The following EMILIN3 variants were observed in gnomAD, a reference collection of about 807,000 sequenced individuals.
EMILIN3 encodes elastin microfibril interfacer 3, also known as EMILIN-3.
In EMILIN3, 38 loss-of-function variants were observed where a neutral mutation model predicts 42.8. That is an observed-to-expected ratio of 0.89 (90% confidence interval 0.69 to 1.16). EMILIN3 has a LOEUF of 1.16. Ranked by LOEUF, EMILIN3 falls within the 50% of genes most tolerant of loss-of-function variation. EMILIN3 has a pLI of 0.00. For missense variants in EMILIN3, 924 were observed against 999.5 expected (o/e 0.92, Z 1.02); for synonymous variants, 430 against 440.5 (o/e 0.98, Z 0.30).
In EMILIN3 at chr20:41,365,130, C is replaced by T. The variant is rs1229944126; in HGVS notation, c.195G>A (p.Arg65=). 6.2e-7 allele frequency: 1 copy of T among 1,613,900 alleles called. No homozygotes were observed. The highest frequency in any genetic ancestry group is 1.3e-5 in the African/African-American group (1 of 74,930). The change falls in exon 2 of 4, where the codon AGG becomes AGA. Residue 65 remains arginine (R), a synonymous_variant. Transcript: ENST00000332312. The stretch of plus-strand genomic sequence containing the variant: ...CCTCCTGTAGGATGCAGGTCACATT[C>T]CTGTGCACCACATAGGCACAGAGGG... ...HKALCAYVVH[R]NVTCILQEGA...
chr20:41,366,635 A>G lies in EMILIN3; in HGVS notation c.-1T>C, dbSNP rs1464500810. ...AGACGAGCAGGCGGCGGCGGCCCAT[A>G]GCGGCCCCCGCGCCTCTGCCCGGCC... On this transcript the variant is annotated 5_prime_UTR_variant, in exon 1 of 4. Transcript: ENST00000332312. This position sits in a 1 kb window ranked among gnomAD's most constrained non-coding sequence, Gnocchi z 4.2. The G allele has an allele frequency of 7.7e-6, 8 of 1,040,826 alleles. No individual in the cohort carries two copies. The highest frequency in any genetic ancestry group is 3.5e-5 in the African/African-American group (2 of 56,948). The allele number at this position is 1,040,826 out of a possible 1,614,324, so 64.5% of individuals were successfully genotyped here.
In EMILIN3 at chr20:41,362,029, A is replaced by C. The variant is rs778059871; in HGVS notation, c.1540T>G (p.Leu514Val). The change falls in exon 4 of 4, where the codon TTG becomes GTG. Residue 514 changes from leucine (L) to valine (V), a missense_variant. Leu to Val is a conservative substitution (Grantham distance 32). Coordinates refer to ENST00000332312, the MANE Select transcript of EMILIN3 (RefSeq NM_052846.2). Reference protein sequence around the residue: ...QTELAVLEQRLVSLETSCTPS... With the variant: ...QTELAVLEQRVVSLETSCTPS... Reference sequence around the variant, plus strand: ...GTGCACGAAGTCTCCAGTGAGACCAACCGTTGCTCTAGCACAGCCAGCTCT... The same window carrying C: ...GTGCACGAAGTCTCCAGTGAGACCACCCGTTGCTCTAGCACAGCCAGCTCT... The C allele has an allele frequency of 6.2e-7, 1 of 1,611,426 alleles. No homozygotes were observed. The highest frequency in any genetic ancestry group is 1.7e-5 in the Admixed American group (1 of 59,974).
rs528313043 is a variant in EMILIN3 at position 41,362,821 on chromosome 20, C to T, written c.748G>A (p.Glu250Lys). The T allele has an allele frequency of 5.6e-5, 90 of 1,614,180 alleles. 1 individual carries two copies. The South Asian group carries it at 8.3e-4, about 15-fold the overall frequency. Residue 250 changes from glutamate to lysine, a missense_variant, in exon 4 of 4, where the codon GAG (glutamate) becomes AAG (lysine). Glu to Lys is a moderately conservative substitution (Grantham distance 56). Transcript: ENST00000332312. ...ARGPLTPPLDEILSKVTEVSN... is the reference protein window; with the variant it reads ...ARGPLTPPLDKILSKVTEVSN... ...ACCTCTGTCACCTTGCTTAGGATCT[C>T]GTCTAAGGGAGGTGTTAGTGGCCCT...
At chr20:41,363,344 T>C (rs2046377286) in intron 3 of EMILIN3, among the ~76,000 whole-genome samples, 1 of 152,150 alleles carries the variant, frequency 6.6e-6, no homozygotes, top group African/African-American at 2.4e-5. Flanking sequence ...GGTTTCACGA[T>C]GTTAGCCAGG....
In EMILIN3 at chr20:41,363,809, C is replaced by G; in HGVS notation, c.343G>C (p.Asp115His). 1 of 1,614,154 alleles carries G rather than the reference C, an allele frequency of 6.2e-7. No homozygotes were observed. Among genetic ancestry groups the G allele is most frequent in the Non-Finnish European group, 8.5e-7 (1 of 1,180,012 alleles). The change falls in exon 3 of 4, where the codon GAC (aspartate) becomes CAC (histidine). Residue 115 changes from aspartate (D) to histidine (H), a missense_variant. Physicochemically the swap from Asp to His is moderately conservative, Grantham distance 81 (BLOSUM62 -1). Coordinates refer to ENST00000332312, the MANE Select transcript of EMILIN3 (RefSeq NM_052846.2). ...KYKVGYKTVTDLAWRCCPGFT... is the reference protein window; with the variant it reads ...KYKVGYKTVTHLAWRCCPGFT... The stretch of plus-strand genomic sequence containing the variant: ...CCGGGACAGCAACGCCAGGCGAGGT[C>G]TGTCACTGTCTTGTAGCCAACCTTG...
chr20:41,364,172 G>A (rs931201739), intron 2 of EMILIN3, among the ~76,000 whole-genome samples: 7 of 152,124 alleles, frequency 4.6e-5, no homozygotes, highest in Non-Finnish European at 2.9e-5. Context: ...AGCTCAGGCT[G>A]CCATGAGAAA....
In EMILIN3 at chr20:41,362,353, T is replaced by A; in HGVS notation, c.1216A>T (p.Thr406Ser). Residue 406 changes from threonine (T) to serine (S), a missense_variant, in exon 4 of 4, where the codon ACC becomes TCC. Transcript: ENST00000332312. ...GCACCGGGGCCCCTTTGGGTCTCGG[T>A]GACTGCCTGCAGGGCCCTCTCAAGG... is the stretch of plus-strand genomic sequence containing the variant. ...DGLERALQAV[T>S]ETQRGPGAPA... is the part of the protein sequence containing the mutation. 6.2e-7 allele frequency: 1 copy of A among 1,608,782 alleles called. No individual in the cohort carries two copies. Among genetic ancestry groups the A allele is most frequent in the South Asian group, 1.1e-5 (1 of 91,068 alleles).
rs2046380388 is a variant in EMILIN3, at chr20:41,363,810, T to C, written c.342A>G (p.Thr114=). Residue 114 remains threonine, a synonymous_variant, in exon 3 of 4, where the codon ACA becomes ACG. Coordinates refer to ENST00000332312, the MANE Select transcript of EMILIN3 (RefSeq NM_052846.2). Reference sequence around the variant, plus strand: ...CGGGACAGCAACGCCAGGCGAGGTCTGTCACTGTCTTGTAGCCAACCTTGT... The same window carrying C: ...CGGGACAGCAACGCCAGGCGAGGTCCGTCACTGTCTTGTAGCCAACCTTGT... ...PKYKVGYKTV[T]DLAWRCCPGF... 2 of 1,614,156 alleles carry C rather than the reference T, an allele frequency of 1.2e-6. No homozygotes were observed. The highest frequency in any genetic ancestry group is 1.3e-5 in the African/African-American group (1 of 75,056).
At chr20:41,363,911 T>C in intron 2 of EMILIN3, 50 bp from the exon 3 acceptor site, 2 of 1,577,686 alleles carry the variant, frequency 1.3e-6, no homozygotes, top group Non-Finnish European at 1.7e-6. Flanking sequence ...AGGGCTGTGC[T>C]TCTCCCCCTA....
chr20:41,365,250 A>T (rs2046388028), intron 1 of EMILIN3, 93 bp from the exon 2 acceptor site: 1 of 1,507,020 alleles, frequency 6.6e-7, no homozygotes, highest in South Asian at 1.3e-5. Flanking sequence ...CCTCAGCAGG[A>T]CTCCAAACTC....
At position 41,366,755 on chromosome 20, in the gene EMILIN3, C is replaced by A; in HGVS notation, c.-121G>T. ...CCCGCCCCGAGGGTCCCGGGGTCCC[C>A]TTCGGCCCCCGAGCTCGCTGGCCCG... On this transcript the variant is annotated 5_prime_UTR_variant, in exon 1 of 4. The change creates a new upstream start codon in the 5' untranslated region. Transcript: ENST00000332312. This position sits in a 1 kb window ranked among gnomAD's most constrained non-coding sequence, Gnocchi z 4.2. 1 of 644,754 alleles carries A rather than the reference C, an allele frequency of 1.6e-6. No homozygotes were observed. The highest frequency in any genetic ancestry group is 1.9e-6 in the Non-Finnish European group (1 of 519,410). The allele number at this position is 644,754 out of a possible 1,614,324, so 39.9% of individuals were successfully genotyped here.
At chr20:41,363,988 C>A in intron 2 of EMILIN3, 127 bp from the exon 3 acceptor site, 2 of 819,904 alleles carry the variant, frequency 2.4e-6, no homozygotes, top group South Asian at 3.4e-5. Context: ...CCATAGCACC[C>A]CCAGGGCTGT....
intron 2 of EMILIN3, among the ~76,000 whole-genome samples, chr20:41,364,551 G>C (rs1368757801): frequency 1.3e-5 from 2 of 152,274 alleles, no homozygotes; most frequent in Non-Finnish European, 1.5e-5. Flanking sequence ...TCCAGGTACA[G>C]AGCTGTGCAT....
In EMILIN3 at chr20:41,362,552, C is replaced by G; in HGVS notation, c.1017G>C (p.Arg339=). 1 of 1,599,560 alleles carries G rather than the reference C, an allele frequency of 6.3e-7. No individual in the cohort carries two copies. The highest frequency in any genetic ancestry group is 1.3e-5 in the African/African-American group (1 of 75,052). ...TGGCGGCCTGACCCTCCTCACATTG[C>G]CGCCGTACCTCCTGCACCCGCAGGT... is the stretch of plus-strand genomic sequence containing the variant. ...ECDLRVQEVR[R]QCEEGQAASR... is the part of the protein sequence containing the mutation. The change falls in exon 4 of 4, where the codon CGG becomes CGC. Residue 339 remains arginine, a synonymous_variant. Coordinates refer to ENST00000332312, the MANE Select transcript of EMILIN3 (RefSeq NM_052846.2).
chr20:41,365,934 A>G (rs1315121763), intron 1 of EMILIN3, among the ~76,000 whole-genome samples: 1 of 152,122 alleles, frequency 6.6e-6, no homozygotes, highest in African/African-American at 2.4e-5. Flanking sequence ...GTGCCACAGC[A>G]CAGGCCCGGA....
chr20:41,365,235 G>T, intron 1 of EMILIN3, 78 bp from the exon 2 acceptor site: 2 of 1,565,372 alleles, frequency 1.3e-6, no homozygotes, highest in Non-Finnish European at 1.7e-6. Context: ...ACCTCCATCT[G>T]TGGGCCTCAG....
intron 1 of EMILIN3, 21 bp from the exon 2 acceptor site, chr20:41,365,178 C>A (rs1294576902): frequency 1.2e-6 from 2 of 1,612,510 alleles, no homozygotes; most frequent in East Asian, 4.5e-5. Flanking sequence ...AAATGGCACC[C>A]CTGGAATATC....
Position 41,363,646 on chromosome 20 carries a change from C to G in EMILIN3, c.506G>C (p.Ser169Thr), listed in dbSNP as rs766914557. 1.1e-5 allele frequency: 17 copies of G among 1,608,810 alleles called. No individual in the cohort carries two copies. The highest frequency in any genetic ancestry group is 3.3e-5 in the Admixed American group (2 of 59,914). The change falls in exon 3 of 4, where the codon AGC (serine) becomes ACC (threonine). Residue 169 changes from serine (S) to threonine (T), a missense_variant. Transcript: ENST00000332312. ...TCCTTGGGCAGACTCACCATGAGGGCTGGGGGCTGCTCTGCTGTAGGAAGG... is the reference window on the plus strand; with the variant it reads ...TCCTTGGGCAGACTCACCATGAGGGGTGGGGGCTGCTCTGCTGTAGGAAGG... The part of the protein sequence containing the change: ...RPPSYSRAAP[S>T]PHGRKGPGLF...
chr20:41,362,453 C>T lies in EMILIN3; in HGVS notation c.1116G>A (p.Gln372=), dbSNP rs567931148. Residue 372 remains glutamine (Q), a synonymous_variant, in exon 4 of 4, where the codon CAG becomes CAA. Transcript: ENST00000332312. The part of the protein sequence containing the change: ...LRQELSQLGS[Q]LQGLSVSGRG... ...TGCCAGACACGCTCAGGCCCTGCAG[C>T]TGGCTGCCCAGCTGTGACAGCTCCT... 2 of 1,600,128 alleles carry T rather than the reference C, an allele frequency of 1.2e-6. No individual in the cohort carries two copies. The highest frequency in any genetic ancestry group is 2.2e-5 in the East Asian group (1 of 44,852).
Sources: allele counts gnomAD v4.1 joint callset (sites outside exome capture counted in the v4.1 genomes callset), GRCh38; gene constraint gnomAD v4.1.1; non-coding constraint Gnocchi (gnomAD v3.1); transcripts MANE v1.5; gene names NCBI Gene and HGNC (gene_info 2026-07-23, HGNC 2026-07-21).